The following HS2ST1 variants were observed in gnomAD, a reference collection of about 807,000 sequenced individuals.
HS2ST1 encodes 2-O-sulfotransferase.
A neutral mutation model predicts 42.9 loss-of-function variants in HS2ST1; 18 were observed. The observed-to-expected ratio is 0.42, with a 90% CI of 0.29 to 0.62. The LOEUF is 0.62. Ranked by LOEUF, HS2ST1 falls within the 20% of genes least tolerant of loss-of-function variation. The pLI, the probability that HS2ST1 is intolerant of heterozygous loss-of-function variation, is 0.21. For missense variants in HS2ST1, 334 were observed against 433.8 expected (o/e 0.77, Z 2.04); for synonymous variants, 146 against 152.9 (o/e 0.95, Z 0.33).
intron 5 of HS2ST1, among the ~76,000 whole-genome samples, chr1:87,102,926 G>A (rs1652250178): frequency 6.6e-6 from 1 of 152,092 alleles, no homozygotes; most frequent in South Asian, 2.1e-4. Context: ...AGCATTAGCT[G>A]ACAATGTAAA....
chr1:87,016,726 G>A (rs1649770362), intron 1 of HS2ST1, among the ~76,000 whole-genome samples: 1 of 152,136 alleles, frequency 6.6e-6, no homozygotes, highest in African/African-American at 2.4e-5. Context: ...CCAAGTGCCT[G>A]TGTCCCATTC....
chr1:86,972,949 C>G (rs1423345020), intron 1 of HS2ST1, among the ~76,000 whole-genome samples: 2 of 152,134 alleles, frequency 1.3e-5, no homozygotes, highest in Non-Finnish European at 2.9e-5. Context: ...ACAATGTGCT[C>G]TCATGATTGG....
intron 1 of HS2ST1, among the ~76,000 whole-genome samples, chr1:86,951,561 C>G (rs1647520297): frequency 6.6e-6 from 1 of 152,166 alleles, no homozygotes; most frequent in South Asian, 2.1e-4. Context: ...TAACAATCAT[C>G]TGAGTCTTTA....
intron 4 of HS2ST1, among the ~76,000 whole-genome samples, chr1:87,093,377 T>C (rs1421429347): frequency 6.6e-6 from 1 of 152,092 alleles, no homozygotes; most frequent in Non-Finnish European, 1.5e-5. Flanking sequence ...CATACTTTTT[T>C]ACACATGTAT....
intron 1 of HS2ST1, chr1:87,046,319 A>T (rs1210670475): frequency 5.5e-6 from 4 of 733,850 alleles, no homozygotes; most frequent in Non-Finnish European, 5.1e-6. Context: ...TTTGTAACAC[A>T]CCTTCAGAAC....
intron 1 of HS2ST1, among the ~76,000 whole-genome samples, chr1:86,936,097 C>T (rs942985563): frequency 7.8e-6 from 1 of 127,496 alleles, no homozygotes; most frequent in Non-Finnish European, 1.7e-5. Flanking sequence ...TTCTCTCTGT[C>T]TCTTTGCCTC....
At chr1:87,011,473 G>A (rs975703173) in intron 1 of HS2ST1, among the ~76,000 whole-genome samples, 1 of 150,634 alleles carries the variant, frequency 6.6e-6, no homozygotes, top group Admixed American at 6.6e-5. Flanking sequence ...GGAACTCCTG[G>A]GCTCAAGTGA....
chr1:86,955,609 T>C (rs917348058), intron 1 of HS2ST1, among the ~76,000 whole-genome samples: 6 of 152,114 alleles, frequency 3.9e-5, no homozygotes, highest in Non-Finnish European at 7.4e-5. Flanking sequence ...ATAATCTTCA[T>C]CCAAAAATAA....
chr1:86,927,565 T>C (rs1263445189), intron 1 of HS2ST1, among the ~76,000 whole-genome samples: 4 of 152,186 alleles, frequency 2.6e-5, no homozygotes, highest in Non-Finnish European at 5.9e-5. Context: ...CATTATTTAT[T>C]TTTAAATTCG....
At chr1:86,923,684 C>G (rs192425209) in intron 1 of HS2ST1, among the ~76,000 whole-genome samples, 8 of 152,340 alleles carry the variant, frequency 5.3e-5, no homozygotes, top group African/African-American at 1.9e-4. Flanking sequence ...GTGTGAGCCA[C>G]TTCGCCTGGC....
At chr1:86,952,043 C>G (rs1356110876) in intron 1 of HS2ST1, among the ~76,000 whole-genome samples, 1 of 152,138 alleles carries the variant, frequency 6.6e-6, no homozygotes, top group Admixed American at 6.6e-5. Flanking sequence ...GAGTCTTGAA[C>G]CCCACAAAGT....
intron 1 of HS2ST1, chr1:87,046,557 T>C: frequency 1.9e-6 from 3 of 1,572,738 alleles, no homozygotes; most frequent in Non-Finnish European, 2.6e-6. Flanking sequence ...CTGTTGATAA[T>C]GGACAAACTA....
intron 1 of HS2ST1, among the ~76,000 whole-genome samples, chr1:86,952,686 C>T (rs181265993): frequency 6.6e-6 from 1 of 152,332 alleles, no homozygotes; most frequent in Non-Finnish European, 1.5e-5. Flanking sequence ...TGAGCAGTAA[C>T]ATTTTGAGAG....
intron 2 of HS2ST1, among the ~76,000 whole-genome samples, chr1:87,079,132 C>CTTT (rs11454448): frequency 2.0e-5 from 3 of 147,842 alleles, no homozygotes; most frequent in Non-Finnish European, 1.5e-5. Flanking sequence ...GTAAATGATA[C>CTTT]TTTTTTTTTT....
intron 1 of HS2ST1, among the ~76,000 whole-genome samples, chr1:86,983,738 T>TAAA (rs35342652): frequency 1.2e-4 from 17 of 146,140 alleles, no homozygotes; most frequent in Admixed American, 2.7e-4. Context: ...GGTGCTTATT[T>TAAA]AAAAAAAAAA....
At chr1:87,048,783 A>G (rs1349251060) in intron 1 of HS2ST1, among the ~76,000 whole-genome samples, 3 of 152,134 alleles carry the variant, frequency 2.0e-5, no homozygotes, top group Non-Finnish European at 4.4e-5. Context: ...AGTTACATTG[A>G]CTTTTGCATG....
intron 1 of HS2ST1, among the ~76,000 whole-genome samples, chr1:86,920,088 G>A (rs1423672659): frequency 1.3e-5 from 2 of 152,196 alleles, no homozygotes; most frequent in African/African-American, 2.4e-5. Context: ...ATAGAACTAT[G>A]TGCTTGGTAA....
chr1:87,076,812 T>G (rs1430744507), intron 2 of HS2ST1, among the ~76,000 whole-genome samples: 1 of 152,238 alleles, frequency 6.6e-6, no homozygotes, highest in Non-Finnish European at 1.5e-5. Flanking sequence ...CTCATATGTT[T>G]AGGTCTATGA....
intron 1 of HS2ST1, among the ~76,000 whole-genome samples, chr1:86,981,821 G>A (rs1648601735): frequency 6.6e-6 from 1 of 152,252 alleles, no homozygotes; most frequent in Admixed American, 6.5e-5. Flanking sequence ...TCTGGGGTCT[G>A]GAGGACGGTG....
Sources: allele counts gnomAD v4.1 joint callset (sites outside exome capture counted in the v4.1 genomes callset), GRCh38; gene constraint gnomAD v4.1.1; transcripts MANE v1.5; gene names NCBI Gene and HGNC (gene_info 2026-07-23, HGNC 2026-07-21).